FHIT: variants seen among roughly 807,000 people sequenced by gnomAD.
FHIT encodes fragile histidine triad diadenosine triphosphatase.
FHIT carries 19 observed loss-of-function variants against 17.9 expected under a neutral mutation model. The observed-to-expected ratio is 1.06, with a 90% CI of 0.74 to 1.56. The LOEUF is 1.56. Ranked by LOEUF, FHIT falls within the 40% of genes most tolerant of loss-of-function variation. FHIT has a pLI of 0.00. For missense variants in FHIT, 248 were observed against 189.2 expected, an observed-to-expected ratio of 1.31 and a Z score of -1.82; for synonymous variants, 81 against 69.7, an observed-to-expected ratio of 1.16 and a Z score of -0.81.
intron 5 of FHIT, among the ~76,000 whole-genome samples, chr3:60,311,356 C>T (rs930278625): frequency 6.6e-6 from 1 of 151,852 alleles, no homozygotes. Context: ...TATTCTGGAC[C>T]CAAGTACCAT....
chr3:60,158,328 T>A (rs1000291684), intron 5 of FHIT, among the ~76,000 whole-genome samples: 3 of 152,086 alleles, frequency 2.0e-5, no homozygotes. Flanking sequence ...CTCTCTCTTT[T>A]TTTTTTTTGA....
chr3:61,091,333 T>A (rs2035474258), intron 2 of FHIT, among the ~76,000 whole-genome samples: 1 of 152,194 alleles, frequency 6.6e-6, no homozygotes, highest in African/African-American at 2.4e-5. Context: ...CAATCCTGGA[T>A]TTGCCTCTTA....
intron 5 of FHIT, among the ~76,000 whole-genome samples, chr3:60,334,570 G>A (rs935872291): frequency 2.0e-5 from 3 of 152,142 alleles, no homozygotes; most frequent in Non-Finnish European, 2.9e-5. Context: ...GTGGATCATC[G>A]AGGTCAGGAG....
chr3:60,357,260 T>C (rs1317284512), intron 5 of FHIT, among the ~76,000 whole-genome samples: 2 of 152,182 alleles, frequency 1.3e-5, no homozygotes, highest in Non-Finnish European at 2.9e-5. Flanking sequence ...CAGGCTGGTA[T>C]GCAGTGGCAT....
At chr3:61,192,027 A>G (rs1019685144) in intron 2 of FHIT, among the ~76,000 whole-genome samples, 3 of 152,120 alleles carry the variant, frequency 2.0e-5, no homozygotes, top group Non-Finnish European at 4.4e-5. Context: ...AAAGGGACAT[A>G]TAAGAACAGA....
At chr3:60,128,898 C>A (rs1259733427) in intron 5 of FHIT, among the ~76,000 whole-genome samples, 1 of 152,148 alleles carries the variant, frequency 6.6e-6, no homozygotes, top group African/African-American at 2.4e-5. Context: ...ACATAATAGA[C>A]ATTCATTTTG....
At chr3:60,175,674 T>C (rs948499759) in intron 5 of FHIT, among the ~76,000 whole-genome samples, 1 of 152,090 alleles carries the variant, frequency 6.6e-6, no homozygotes, top group African/African-American at 2.4e-5. Flanking sequence ...GACAATAAAA[T>C]GAGAAATGCA....
chr3:60,890,205 A>T (rs1705438260), intron 3 of FHIT, among the ~76,000 whole-genome samples: 1 of 135,726 alleles, frequency 7.4e-6, no homozygotes, highest in Non-Finnish European at 1.6e-5. Flanking sequence ...TTTCCAAAAA[A>T]TTAGCTTCCA....
intron 2 of FHIT, among the ~76,000 whole-genome samples, chr3:61,186,423 T>C (rs1439429999): frequency 6.6e-6 from 1 of 152,014 alleles, no homozygotes; most frequent in African/African-American, 2.4e-5. Context: ...TCAGATTCTT[T>C]CCCCCAGGAA....
In FHIT at chr3:60,182,229, C is replaced by T. The variant is rs376290723; in HGVS notation, c.104-168077G>A. On this transcript the variant is annotated intron_variant, in intron 5 of 9. Coordinates refer to ENST00000492590, the MANE Select transcript of FHIT (RefSeq NM_002012.4). ...CTGGCTTCTTCACTGCATCTGAAAA[C>T]GGGATTGACTAAATCCTGCTTCTAT... 4.0e-4 allele frequency among the ~76,000 whole-genome samples: 61 copies of T among 152,256 alleles called. 1 individual carries two copies. In the South Asian group the frequency reaches 0.012, roughly 31 times the overall value.
intron 5 of FHIT, among the ~76,000 whole-genome samples, chr3:60,454,480 G>A (rs1045828788): frequency 6.6e-6 from 1 of 151,722 alleles, no homozygotes; most frequent in Admixed American, 6.6e-5. Context: ...CACCTCCTGG[G>A]TTCAAGCAAT....
chr3:60,806,076 A>C (rs1701374424), intron 4 of FHIT, among the ~76,000 whole-genome samples: 1 of 152,218 alleles, frequency 6.6e-6, no homozygotes, highest in African/African-American at 2.4e-5. Context: ...AAGTCCTGGC[A>C]TCCAGATCTT....
intron 5 of FHIT, among the ~76,000 whole-genome samples, chr3:60,146,264 C>T (rs1265651892): frequency 6.9e-6 from 1 of 145,026 alleles, no homozygotes; most frequent in Non-Finnish European, 1.5e-5. Context: ...AAAAAAAGGG[C>T]AGGGGGTAGG....
chr3:60,106,208 G>A (rs33997839), intron 5 of FHIT, among the ~76,000 whole-genome samples: 25,306 of 152,124 alleles, frequency 0.17, 2,637 homozygotes, highest in Non-Finnish European at 0.23. Context: ...CTTACTTAAC[G>A]ATAGCCCCAC....
At chr3:60,639,025 G>A (rs2039660078) in intron 4 of FHIT, among the ~76,000 whole-genome samples, 1 of 147,092 alleles carries the variant, frequency 6.8e-6, no homozygotes, top group Admixed American at 6.9e-5. Flanking sequence ...AAAAAAAGCT[G>A]TTCAAAAGCA....
intron 2 of FHIT, among the ~76,000 whole-genome samples, chr3:61,162,378 T>C (rs1156804813): frequency 6.6e-6 from 1 of 152,168 alleles, no homozygotes; most frequent in African/African-American, 2.4e-5. Context: ...AAGGTAGTCA[T>C]AGGCCATCTG....
intron 8 of FHIT, among the ~76,000 whole-genome samples, chr3:59,897,425 G>A (rs1412432106): frequency 1.3e-5 from 2 of 152,076 alleles, no homozygotes; most frequent in East Asian, 3.9e-4. Flanking sequence ...TGGCTTTAAT[G>A]ATAACCATTT....
chr3:59,985,884 C>G (rs1185455117), intron 7 of FHIT, among the ~76,000 whole-genome samples: 1 of 151,986 alleles, frequency 6.6e-6, no homozygotes, highest in Non-Finnish European at 1.5e-5. Flanking sequence ...ATGAAACCTA[C>G]TTGACACTTA....
chr3:60,566,475 A>G (rs1406730522), intron 4 of FHIT, among the ~76,000 whole-genome samples: 1 of 152,160 alleles, frequency 6.6e-6, no homozygotes, highest in Non-Finnish European at 1.5e-5. Context: ...AATAAGAGCT[A>G]TCTATGACCA....
Sources: allele counts gnomAD v4.1 joint callset (sites outside exome capture counted in the v4.1 genomes callset), GRCh38; gene constraint gnomAD v4.1.1; transcripts MANE v1.5; gene names NCBI Gene and HGNC (gene_info 2026-07-23, HGNC 2026-07-21).